The following RSPO2 variants were observed in gnomAD, a reference collection of about 807,000 sequenced individuals.
The protein encoded by RSPO2 is R-spondin 2, also known as R-spondin-2.
Under a neutral mutation model 30.9 loss-of-function variants are expected in RSPO2, and 14 were observed. That is an observed-to-expected ratio of 0.45 (90% CI 0.30 to 0.71). The LOEUF is 0.71. Among genes scored for constraint, RSPO2 ranks in the 30% least tolerant of loss-of-function variants. RSPO2 has a pLI of 0.08. For synonymous variants in RSPO2, 107 were observed against 96.4 expected (o/e 1.11, Z -0.64); for missense variants, 264 against 301.9 (o/e 0.87, Z 0.93).
chr8:107,939,367 T>C (rs907749300), intron 5 of RSPO2, among the ~76,000 whole-genome samples: 3 of 151,720 alleles, frequency 2.0e-5, no homozygotes, highest in African/African-American at 7.3e-5. Context: ...TATCACAAGC[T>C]GAGAGAACAA....
intron 3 of RSPO2, among the ~76,000 whole-genome samples, chr8:107,982,329 T>C (rs752853920): frequency 6.2e-4 from 94 of 152,192 alleles, no homozygotes; most frequent in Non-Finnish European, 1.2e-3. Flanking sequence ...GATACCTTCC[T>C]GGTACATGAC....
At chr8:108,014,589 C>G (rs1389498491) in intron 2 of RSPO2, among the ~76,000 whole-genome samples, 3 of 151,886 alleles carry the variant, frequency 2.0e-5, no homozygotes, top group Non-Finnish European at 4.4e-5. Context: ...CAAATTAACA[C>G]AGGAACAGAA....
At chr8:108,075,192 G>A (rs1024547349) in intron 2 of RSPO2, among the ~76,000 whole-genome samples, 1 of 151,872 alleles carries the variant, frequency 6.6e-6, no homozygotes. Flanking sequence ...TTAAAATATG[G>A]GTTACCAGCC....
chr8:107,953,706 T>C (rs1156734940), intron 5 of RSPO2, among the ~76,000 whole-genome samples: 2 of 152,154 alleles, frequency 1.3e-5, no homozygotes, highest in African/African-American at 4.8e-5. Flanking sequence ...AGTAACTTGT[T>C]AGGTATCACT....
chr8:108,069,233 TCACA>T (rs1245989658), intron 2 of RSPO2, among the ~76,000 whole-genome samples: 2 of 143,768 alleles, frequency 1.4e-5, no homozygotes, highest in Non-Finnish European at 3.1e-5. Flanking sequence ...ACACACACAC[TCACA>T]GAGTCTCGCT....
chr8:107,937,051 G>A (rs1812741944), intron 5 of RSPO2, among the ~76,000 whole-genome samples: 1 of 151,702 alleles, frequency 6.6e-6, no homozygotes, highest in Non-Finnish European at 1.5e-5. Context: ...TCTTAGTCAT[G>A]AAATATTTAC....
At chr8:108,001,612 A>G (rs1017185933) in intron 2 of RSPO2, among the ~76,000 whole-genome samples, 1 of 152,204 alleles carries the variant, frequency 6.6e-6, no homozygotes, top group Non-Finnish European at 1.5e-5. Flanking sequence ...CACCAATAAC[A>G]TTAATTAGTT....
intron 3 of RSPO2, among the ~76,000 whole-genome samples, chr8:107,970,354 C>T (rs1475814263): frequency 1.3e-5 from 2 of 152,058 alleles, no homozygotes; most frequent in African/African-American, 4.8e-5. Flanking sequence ...AGCTTAAGGG[C>T]CCTAACAAAA....
intron 5 of RSPO2, among the ~76,000 whole-genome samples, chr8:107,903,614 G>A (rs945322228): frequency 4.6e-5 from 7 of 152,090 alleles, no homozygotes; most frequent in African/African-American, 1.4e-4. Context: ...GCTTCTGAAA[G>A]CTTATTTATG....
At chr8:107,991,963 G>A (rs769798218) in intron 2 of RSPO2, among the ~76,000 whole-genome samples, 1 of 152,140 alleles carries the variant, frequency 6.6e-6, no homozygotes, top group Non-Finnish European at 1.5e-5. Flanking sequence ...AACCATTATG[G>A]AAGACAGTGT....
intron 5 of RSPO2, among the ~76,000 whole-genome samples, chr8:107,923,584 A>G (rs1246937657): frequency 6.6e-6 from 1 of 152,124 alleles, no homozygotes; most frequent in Non-Finnish European, 1.5e-5. Flanking sequence ...CACCCAAAGA[A>G]TATAAGTTGT....
At chr8:107,906,079 T>A (rs55776006) in intron 5 of RSPO2, among the ~76,000 whole-genome samples, 1 of 151,928 alleles carries the variant, frequency 6.6e-6, no homozygotes, top group Non-Finnish European at 1.5e-5. Context: ...ACAGGATGCA[T>A]TGAGAATATA....
intron 2 of RSPO2, among the ~76,000 whole-genome samples, chr8:108,038,123 C>T (rs536445814): frequency 3.3e-5 from 5 of 152,154 alleles, no homozygotes; most frequent in Admixed American, 6.5e-5. Flanking sequence ...CTTCTAGACG[C>T]CATTAAAAAC....
intron 2 of RSPO2, among the ~76,000 whole-genome samples, chr8:108,043,229 G>A (rs887416196): frequency 6.6e-6 from 1 of 152,026 alleles, no homozygotes; most frequent in Non-Finnish European, 1.5e-5. Context: ...ATTTGTAGCG[G>A]GAAGTTTGTT....
chr8:108,022,500 T>C (rs927282771), intron 2 of RSPO2, among the ~76,000 whole-genome samples: 2 of 152,220 alleles, frequency 1.3e-5, no homozygotes, highest in African/African-American at 4.8e-5. Flanking sequence ...CAGAAATTTA[T>C]ATTCTCATTG....
chr8:107,973,534 A>ACACACT (rs1219922042), intron 3 of RSPO2, among the ~76,000 whole-genome samples: 7 of 542 alleles, frequency 0.013, no homozygotes, highest in Non-Finnish European at 0.032. Context: ...ACACACACTC[A>ACACACT]CACACACACA....
At chr8:107,923,709 A>G (rs1451975083) in intron 5 of RSPO2, among the ~76,000 whole-genome samples, 1 of 152,180 alleles carries the variant, frequency 6.6e-6, no homozygotes, top group Non-Finnish European at 1.5e-5. Context: ...AAAATGTAGT[A>G]CATATATACC....
chr8:107,996,156 G>A (rs1349822343), intron 2 of RSPO2, among the ~76,000 whole-genome samples: 1 of 152,072 alleles, frequency 6.6e-6, no homozygotes, highest in Non-Finnish European at 1.5e-5. Flanking sequence ...CAATGAAACT[G>A]GGAATACTGA....
At chr8:108,068,737 T>G (rs745738206) in intron 2 of RSPO2, among the ~76,000 whole-genome samples, 9 of 152,120 alleles carry the variant, frequency 5.9e-5, no homozygotes, top group African/African-American at 1.9e-4. Flanking sequence ...CATGTGAACA[T>G]AGAAGCAGAG....
Sources: allele counts gnomAD v4.1 joint callset (sites outside exome capture counted in the v4.1 genomes callset), GRCh38; gene constraint gnomAD v4.1.1; transcripts MANE v1.5; gene names NCBI Gene and HGNC (gene_info 2026-07-23, HGNC 2026-07-21).